The following TBXAS1 variants were observed in gnomAD, a reference collection of about 807,000 sequenced individuals.
The protein encoded by TBXAS1 is thromboxane A synthase 1.
TBXAS1 carries 48 observed loss-of-function variants against 60.7 expected under a neutral mutation model. The observed-to-expected ratio is 0.79, with a 90% confidence interval of 0.63 to 1.01. The LOEUF is 1.01. TBXAS1 is among the 50% of genes least tolerant of loss of function. The pLI is 0.00. For synonymous variants in TBXAS1, 287 were observed against 269.7 expected, an observed-to-expected ratio of 1.06 and a Z score of -0.63; for missense variants, 685 against 686.3, an observed-to-expected ratio of 1.00 and a Z score of 0.02.
At chr7:139,790,150 T>C (rs1480324262) in intron 4 of TBXAS1, among the ~76,000 whole-genome samples, 2 of 152,366 alleles carry the variant, frequency 1.3e-5, no homozygotes, top group African/African-American at 4.8e-5. Context: ...TACCTGTGAC[T>C]ACGTGGGAAT....
In TBXAS1 at chr7:139,875,567, G is replaced by A. The variant is rs1282199011; in HGVS notation, c.184-18G>A. On this transcript the variant is annotated intron_variant, in intron 2 of 12. Coordinates refer to ENST00000448866, the MANE Select transcript of TBXAS1 (RefSeq NM_001061.7). Reference sequence around the variant, plus strand: ...TTTGCTTAATCTTATTCTTACTATAGTGCTGTGTTTCCTTCAGGGTTTTTG... The same window carrying A: ...TTTGCTTAATCTTATTCTTACTATAATGCTGTGTTTCCTTCAGGGTTTTTG... 3 of 1,611,894 alleles carry A rather than the reference G, an allele frequency of 1.9e-6. No individual in the cohort carries two copies. Among genetic ancestry groups the A allele is most frequent in the South Asian group, 2.2e-5 (2 of 91,010 alleles).
chr7:139,970,476 A>G (rs1247584430), intron 9 of TBXAS1, among the ~76,000 whole-genome samples: 1 of 152,242 alleles, frequency 6.6e-6, no homozygotes, highest in African/African-American at 2.4e-5. Flanking sequence ...CACTATGTAC[A>G]AGGAGCCAGG....
chr7:139,919,031 A>G (rs896753575), intron 4 of TBXAS1, among the ~76,000 whole-genome samples: 1 of 152,136 alleles, frequency 6.6e-6, no homozygotes, highest in Non-Finnish European at 1.5e-5. Context: ...TTACTATTTC[A>G]AACCACCAAA....
upstream of TBXAS1, chr7:139,829,260 G>T: frequency 6.4e-6 from 5 of 777,784 alleles, no homozygotes; most frequent in East Asian, 1.3e-4. Context: ...CATTGTGGGG[G>T]CCCACTCCAT....
chr7:140,016,164 TA>T (rs1299350532), intron 11 of TBXAS1, among the ~76,000 whole-genome samples: 2 of 151,802 alleles, frequency 1.3e-5, no homozygotes, highest in South Asian at 2.1e-4. Context: ...CCATCTCTAC[TA>T]AAAATACAAA....
At chr7:139,965,589 A>C (rs1188584576) in intron 9 of TBXAS1, among the ~76,000 whole-genome samples, 2 of 152,076 alleles carry the variant, frequency 1.3e-5, no homozygotes, top group Non-Finnish European at 2.9e-5. Context: ...CCCTGGTTCC[A>C]CTTTGAGAAG....
intron 1 of TBXAS1, among the ~76,000 whole-genome samples, chr7:139,833,570 A>G (rs1209277587): frequency 6.6e-6 from 1 of 151,182 alleles, no homozygotes; most frequent in East Asian, 1.9e-4. Context: ...CTGTAGTCCC[A>G]GCTACTTGGG....
At chr7:139,822,864 G>A (rs182128599) in intron 4 of TBXAS1, among the ~76,000 whole-genome samples, 1 of 152,242 alleles carries the variant, frequency 6.6e-6, no homozygotes, top group East Asian at 1.9e-4. Flanking sequence ...CCTCATGTCA[G>A]GTAGAAAGCA....
chr7:139,813,074 TAAATAAAATAAAATAAAATA>T (rs56001115), intron 4 of TBXAS1, among the ~76,000 whole-genome samples: 3,846 of 143,014 alleles, frequency 0.027, 70 homozygotes, highest in Middle Eastern at 0.038. Context: ...TAAAATAAAA[TAAATAAAATAAAATAAAATA>T]AAATAAAATA....
chr7:139,974,874 G>T (rs1278190712), intron 9 of TBXAS1, among the ~76,000 whole-genome samples: 1 of 152,160 alleles, frequency 6.6e-6, no homozygotes, highest in Non-Finnish European at 1.5e-5. Context: ...GTATGAAGTG[G>T]GAGTTATCAC....
At chr7:140,017,516 A>G (rs1223625185) in intron 11 of TBXAS1, among the ~76,000 whole-genome samples, 155 bp from the exon 12 acceptor site, 2 of 152,186 alleles carry the variant, frequency 1.3e-5, no homozygotes, top group African/African-American at 2.4e-5. Context: ...GGCCAGGAGC[A>G]GAGAGGGACT....
chr7:139,938,792 T>C lies in TBXAS1; in HGVS notation c.450+2485T>C, dbSNP rs1006828427. Among the ~76,000 whole-genome samples the C allele has an allele frequency of 6.4e-4, 97 of 151,768 alleles. 5 individuals are homozygous for C. The highest frequency in any genetic ancestry group is 4.4e-5 in the Non-Finnish European group (3 of 67,938). On this transcript the variant is annotated intron_variant, in intron 5 of 12. Coordinates refer to ENST00000448866, the MANE Select transcript of TBXAS1 (RefSeq NM_001061.7). Reference sequence around the variant, plus strand: ...GTGTGAAAAAGAAATTGGTAAAGAGTATCTGAGAAAAGAAGAAAAGAGAAA... The same window carrying C: ...GTGTGAAAAAGAAATTGGTAAAGAGCATCTGAGAAAAGAAGAAAAGAGAAA...
intron 3 of TBXAS1, among the ~76,000 whole-genome samples, chr7:139,783,294 GGGGTGCA>G (rs1487538226): frequency 1.3e-5 from 2 of 152,148 alleles, no homozygotes; most frequent in East Asian, 3.9e-4. Context: ...CACCTGAACA[GGGGTGCA>G]GGAAAAGCAA....
At position 139,937,864 on chromosome 7, in the gene TBXAS1, C is replaced by T. The variant is rs185199064; in HGVS notation, c.450+1557C>T. Among the ~76,000 whole-genome samples the T allele has an allele frequency of 3.6e-3, 530 of 147,848 alleles. 1 individual carries two copies. The highest frequency in any genetic ancestry group is 5.6e-3 in the Non-Finnish European group (379 of 67,494). ...GCTCGGAGGCCACGTAGGACTGTGC[C>T]AGGGGCTGTCTGGAGGATGCAGGAA... On this transcript the variant is annotated intron_variant, in intron 5 of 12. Coordinates refer to ENST00000448866, the MANE Select transcript of TBXAS1 (RefSeq NM_001061.7).
chr7:140,007,257 G>A, intron 10 of TBXAS1, 75 bp downstream of exon 10: 3 of 1,363,646 alleles, frequency 2.2e-6, no homozygotes, highest in Non-Finnish European at 3.1e-6. Context: ...GCAGGTCAGG[G>A]CCCTCCTCCA....
intron 8 of TBXAS1, 38 bp from the exon 9 acceptor site, chr7:139,961,881 A>C: frequency 6.2e-7 from 1 of 1,613,366 alleles, no homozygotes. Context: ...TCATGACTGT[A>C]AGGTCAAAAT....
intron 9 of TBXAS1, among the ~76,000 whole-genome samples, chr7:139,981,368 G>C (rs541569213): frequency 1.2e-4 from 18 of 152,272 alleles, no homozygotes; most frequent in African/African-American, 4.1e-4. Flanking sequence ...CGCCTGCGTC[G>C]GCCTCCCAGA....
chr7:139,807,559 A>ATT (rs1173724347), intron 4 of TBXAS1, among the ~76,000 whole-genome samples: 1 of 151,828 alleles, frequency 6.6e-6, no homozygotes, highest in East Asian at 1.9e-4. Context: ...AATTTTTTGT[A>ATT]TTTTTAGTAG....
chr7:139,895,400 T>C (rs1488128796), intron 3 of TBXAS1, among the ~76,000 whole-genome samples: 1 of 152,140 alleles, frequency 6.6e-6, no homozygotes. Context: ...AGAGATGGGG[T>C]TTGAGGGGCA....
Sources: allele counts gnomAD v4.1 joint callset (sites outside exome capture counted in the v4.1 genomes callset), GRCh38; gene constraint gnomAD v4.1.1; transcripts MANE v1.5; gene names NCBI Gene and HGNC (gene_info 2026-07-23, HGNC 2026-07-21).